The following METTL15 variants were observed in gnomAD, a reference collection of about 807,000 sequenced individuals.
METTL15 encodes methyltransferase 15, mitochondrial 12S rRNA N4-cytidine.
A neutral mutation model predicts 38.3 loss-of-function variants in METTL15; 34 were observed. That is an observed-to-expected ratio of 0.89 (90% CI 0.68 to 1.18). The LOEUF (loss-of-function observed/expected upper bound fraction) is 1.18, where lower values mean the gene tolerates loss of function less well. Ranked by LOEUF, METTL15 falls within the 50% of genes most tolerant of loss-of-function variation. The pLI, the probability that METTL15 is intolerant of heterozygous loss-of-function variation, is 0.00. For synonymous variants in METTL15, 162 were observed against 170.9 expected, an observed-to-expected ratio of 0.95 and a Z score of 0.41; for missense variants, 438 against 498.4, an observed-to-expected ratio of 0.88 and a Z score of 1.15.
rs555554450 is a variant in METTL15 at position 28,459,913 on chromosome 11, A to C, written c.*424+35549A>C. On this transcript the variant is annotated intron_variant and NMD_transcript_variant, in intron 6 of 7. Coordinates refer to the METTL15 transcript ENST00000532947. The stretch of plus-strand genomic sequence containing the variant: ...ATTTCTTGTGGCTTCTGTTGGTGTT[A>C]ATTTCTGGATACCATGATTGCTTAC... 1.1e-4 allele frequency among the ~76,000 whole-genome samples: 16 copies of C among 151,966 alleles called. No homozygotes were observed. In the South Asian group the frequency reaches 1.9e-3, roughly 18 times the overall value.
chr11:28,295,354 C>A (rs1184642673), intron 5 of METTL15, among the ~76,000 whole-genome samples: 2 of 152,070 alleles, frequency 1.3e-5, no homozygotes, highest in Non-Finnish European at 2.9e-5. Context: ...AATTGAACTC[C>A]AAGGACCAGA....
chr11:28,529,118 A>C (rs112334557), downstream of METTL15, among the ~76,000 whole-genome samples: 196 of 152,262 alleles, frequency 1.3e-3, no homozygotes, highest in African/African-American at 4.4e-3. Flanking sequence ...GAGAAGAGAA[A>C]GACTTTAAGA....
chr11:28,130,823 C>A (rs1218423488), intron 3 of METTL15, among the ~76,000 whole-genome samples: 2 of 152,110 alleles, frequency 1.3e-5, no homozygotes, highest in Admixed American at 6.6e-5. Context: ...TTGATTTATG[C>A]AATAGTTACA....
In METTL15 at chr11:28,275,170, A is replaced by G. The variant is rs189308881; in HGVS notation, c.408-15036A>G. ...AGAAACAATATAAAGGATCAATGAA[A>G]CAAAAAGTTGGTTCCTCAAAAATAT... On this transcript the variant is annotated intron_variant, in intron 4 of 6. Transcript: ENST00000407364. 2.0e-5 allele frequency among the ~76,000 whole-genome samples: 3 copies of G among 151,730 alleles called. No individual in the cohort carries two copies. In the East Asian group the frequency reaches 5.8e-4, roughly 29 times the overall value.
chr11:28,114,742 T>G (rs1851868882), intron 3 of METTL15, among the ~76,000 whole-genome samples: 1 of 152,156 alleles, frequency 6.6e-6, no homozygotes, highest in Admixed American at 6.5e-5. Context: ...TGAGCCACCA[T>G]GCCCGGCCTT....
intron 4 of METTL15, among the ~76,000 whole-genome samples, chr11:28,360,902 T>C (rs968770922): frequency 6.8e-6 from 1 of 147,914 alleles, no homozygotes; most frequent in Non-Finnish European, 1.5e-5. Flanking sequence ...AGTGAGAACA[T>C]GCGGTGTTTG....
At chr11:28,234,946 G>A (rs1288234546) in intron 4 of METTL15, among the ~76,000 whole-genome samples, 4 of 150,582 alleles carry the variant, frequency 2.7e-5, no homozygotes, top group East Asian at 1.9e-4. Flanking sequence ...TAGGTCTAAC[G>A]TTTAAATCTT....
chr11:28,297,176 T>C (rs1240451104), intron 6 of METTL15, among the ~76,000 whole-genome samples: 4 of 152,044 alleles, frequency 2.6e-5, no homozygotes, highest in African/African-American at 7.2e-5. Flanking sequence ...TTTAAAAAAA[T>C]ATACTGTAGT....
chr11:28,525,987 G>C (rs10835353), intron 6 of METTL15, among the ~76,000 whole-genome samples: 25 of 152,178 alleles, frequency 1.6e-4, no homozygotes, highest in African/African-American at 6.0e-4. Flanking sequence ...TGAGCACAGC[G>C]CTGGTGGGCC....
intron 3 of METTL15, among the ~76,000 whole-genome samples, chr11:28,338,643 G>T (rs1590338261): frequency 6.6e-6 from 1 of 152,190 alleles, no homozygotes; most frequent in East Asian, 1.9e-4. Flanking sequence ...CATCCACAGA[G>T]TGGATGAGAG....
chr11:28,395,479 C>T (rs1014864634), intron 5 of METTL15, among the ~76,000 whole-genome samples: 1 of 152,100 alleles, frequency 6.6e-6, no homozygotes, highest in South Asian at 2.1e-4. Flanking sequence ...GTAAACACCT[C>T]TACACAAATA....
At chr11:28,262,643 A>C (rs1855255245) in intron 4 of METTL15, among the ~76,000 whole-genome samples, 1 of 152,160 alleles carries the variant, frequency 6.6e-6, no homozygotes, top group South Asian at 2.1e-4. Context: ...AATCAGAGAT[A>C]CTGGATCCTA....
chr11:28,173,269 G>A (rs1268171507), intron 3 of METTL15, among the ~76,000 whole-genome samples: 1 of 152,096 alleles, frequency 6.6e-6, no homozygotes, highest in Non-Finnish European at 1.5e-5. Context: ...GGGACCTTTG[G>A]GAGGTGATTA....
intron 4 of METTL15, among the ~76,000 whole-genome samples, chr11:28,256,875 TC>T (rs1854994015): frequency 6.6e-6 from 1 of 152,114 alleles, no homozygotes; most frequent in Admixed American, 6.5e-5. Context: ...TTTTGTTTTA[TC>T]CTACAGGTTT....
intron 3 of METTL15, among the ~76,000 whole-genome samples, chr11:28,206,500 G>C (rs940531116): frequency 4.0e-5 from 6 of 151,874 alleles, no homozygotes; most frequent in African/African-American, 1.5e-4. Context: ...ATGCTGTTTT[G>C]GTTACTGTAG....
In METTL15 at chr11:28,260,105, A is replaced by C. The variant is rs374214775; in HGVS notation, c.408-30101A>C. 1.8e-4 allele frequency among the ~76,000 whole-genome samples: 27 copies of C among 152,348 alleles called. 2 individuals are homozygous for C. The East Asian group carries it at 5.2e-3, about 29-fold the overall frequency. On this transcript the variant is annotated intron_variant, in intron 4 of 6. Coordinates refer to ENST00000407364, the MANE Select transcript of METTL15 (RefSeq NM_001113528.2). The stretch of plus-strand genomic sequence containing the variant: ...CTGTCTGCCTCAGTTGGGCTTTGGT[A>C]ATCTATTCAACCTCATCTTTCTCTA...
intron 5 of METTL15, among the ~76,000 whole-genome samples, chr11:28,381,674 A>G (rs1478838552): frequency 6.6e-6 from 1 of 151,972 alleles, no homozygotes; most frequent in African/African-American, 2.4e-5. Flanking sequence ...AGTTCAGCAA[A>G]TGTATTTATT....
chr11:28,378,743 A>T (rs935892518), intron 5 of METTL15, among the ~76,000 whole-genome samples: 4 of 146,200 alleles, frequency 2.7e-5, no homozygotes, highest in Non-Finnish European at 4.5e-5. Context: ...ATGGGTTTGA[A>T]GTATTCCCTC....
In METTL15 at chr11:28,300,351, CT is replaced by C. The variant is rs1041145830; in HGVS notation, c.778+3423del. ...TATTGATGGAAATATAAATCACTTTCTTTGCTTTCCAAAAACTAATAATTCA... is the reference window on the plus strand; with the variant it reads ...TATTGATGGAAATATAAATCACTTTCTTGCTTTCCAAAAACTAATAATTCA... On this transcript the variant is annotated intron_variant, in intron 6 of 6. Coordinates refer to ENST00000407364, the MANE Select transcript of METTL15 (RefSeq NM_001113528.2). Among the ~76,000 whole-genome samples, 219 of 152,226 alleles carry C rather than the reference CT, an allele frequency of 1.4e-3. 1 individual carries two copies. The highest frequency in any genetic ancestry group is 5.0e-3 in the African/African-American group (208 of 41,564).
Sources: gnomAD v4.1 joint callset for allele counts (sites outside exome capture counted in the v4.1 genomes callset) on GRCh38, gnomAD v4.1.1 for gene constraint, MANE v1.5 for transcripts, NCBI Gene and HGNC (gene_info 2026-07-23, HGNC 2026-07-21) for gene names.